The following ATRNL1 variants were observed in gnomAD, a reference collection of about 807,000 sequenced individuals.
The protein encoded by ATRNL1 is attractin like 1, also known as attractin-like protein 1.
In ATRNL1, 95 loss-of-function variants were observed where a neutral mutation model predicts 182.7. The ratio of observed to expected loss-of-function variants is 0.52; its 90% confidence interval spans 0.44 to 0.62. ATRNL1 has a LOEUF of 0.62. Ranked by LOEUF, ATRNL1 falls within the 20% of genes least tolerant of loss-of-function variation. ATRNL1 has a pLI of 0.00. For missense variants in ATRNL1, 1,471 were observed against 1,679.5 expected (o/e 0.88, Z 2.17); for synonymous variants, 576 against 568.3 (o/e 1.01, Z -0.19).
chr10:115,689,427 G>A (rs868957797), intron 26 of ATRNL1, among the ~76,000 whole-genome samples: 6 of 152,090 alleles, frequency 3.9e-5, no homozygotes, highest in South Asian at 4.2e-4. Context: ...TTTGTGTCCC[G>A]CAAAACAAAG....
chr10:115,705,175 T>C (rs553870264), intron 26 of ATRNL1, among the ~76,000 whole-genome samples: 9 of 152,090 alleles, frequency 5.9e-5, no homozygotes, highest in African/African-American at 1.9e-4. Context: ...CTCATTTATG[T>C]TTCATCTATA....
chr10:115,197,462 T>G (rs782628992), intron 8 of ATRNL1, among the ~76,000 whole-genome samples: 8 of 152,152 alleles, frequency 5.3e-5, no homozygotes, highest in Non-Finnish European at 1.0e-4. Flanking sequence ...TAGAATTTGA[T>G]CAGGGAAACT....
chr10:115,576,329 A>C (rs981106116), intron 26 of ATRNL1, among the ~76,000 whole-genome samples: 34 of 152,046 alleles, frequency 2.2e-4, no homozygotes, highest in African/African-American at 7.7e-4. Flanking sequence ...GTTTTCAATA[A>C]TAGCCATGCC....
chr10:115,587,322 C>T lies in ATRNL1; in HGVS notation c.3795+37786C>T, dbSNP rs1300475983. On this transcript the variant is annotated intron_variant, in intron 26 of 28. Coordinates refer to ENST00000355044, the MANE Select transcript of ATRNL1 (RefSeq NM_207303.4). ...CTCCCTGGCTGCTTTGTTTACCTGA[C>T]CAAGCCTTGGCAATGGCGGGCGCCC... Among the ~76,000 whole-genome samples, 11 of 152,266 alleles carry T rather than the reference C, an allele frequency of 7.2e-5. No individual in the cohort carries two copies. In the South Asian group the frequency reaches 2.3e-3, roughly 32 times the overall value.
intron 26 of ATRNL1, among the ~76,000 whole-genome samples, chr10:115,697,346 A>AT (rs35288300): frequency 1.3e-5 from 2 of 151,986 alleles, no homozygotes; most frequent in Non-Finnish European, 2.9e-5. Context: ...CATGTTTTGT[A>AT]TTTTTTTGAG....
intron 10 of ATRNL1, among the ~76,000 whole-genome samples, chr10:115,249,747 A>T (rs965936623): frequency 6.6e-6 from 1 of 152,048 alleles, no homozygotes; most frequent in African/African-American, 2.4e-5. Flanking sequence ...TTGTTGGTAT[A>T]GAATATTATT....
chr10:115,700,161 G>T (rs1278764991), intron 26 of ATRNL1, among the ~76,000 whole-genome samples: 1 of 152,012 alleles, frequency 6.6e-6, no homozygotes, highest in Non-Finnish European at 1.5e-5. Flanking sequence ...AAATGTGTGT[G>T]CCTTTTTTGG....
At chr10:115,748,662 C>G (rs1555069810) in intron 27 of ATRNL1, among the ~76,000 whole-genome samples, 1 of 151,784 alleles carries the variant, frequency 6.6e-6, no homozygotes, top group Non-Finnish European at 1.5e-5. Flanking sequence ...ATTGCTTGCT[C>G]TAGAGCATGA....
intron 26 of ATRNL1, among the ~76,000 whole-genome samples, chr10:115,677,352 T>G (rs2133942113): frequency 6.6e-6 from 1 of 152,184 alleles, no homozygotes; most frequent in South Asian, 2.1e-4. Context: ...GTCCAGAAGT[T>G]ACTGCATGAG....
At chr10:115,637,451 A>T (rs1477194175) in intron 26 of ATRNL1, among the ~76,000 whole-genome samples, 1 of 152,076 alleles carries the variant, frequency 6.6e-6, no homozygotes, top group Non-Finnish European at 1.5e-5. Context: ...GTGAAAGTAA[A>T]TCAAAGCTTA....
intron 26 of ATRNL1, among the ~76,000 whole-genome samples, chr10:115,635,515 C>G (rs1481370701): frequency 2.6e-5 from 4 of 152,058 alleles, no homozygotes; most frequent in African/African-American, 9.7e-5. Context: ...GCAGTTGAAC[C>G]TCTTATTCAC....
At chr10:115,455,759 A>C (rs1554968588) in intron 21 of ATRNL1, among the ~76,000 whole-genome samples, 2 of 152,322 alleles carry the variant, frequency 1.3e-5, no homozygotes, top group South Asian at 4.1e-4. Context: ...TAATATCCAG[A>C]ATCTACAAGG....
In ATRNL1 at chr10:115,281,379, CAT is replaced by C; in HGVS notation, c.2126_2127del (p.His709ArgfsTer4). On this transcript the variant is annotated frameshift_variant, in exon 14 of 29. Transcript: ENST00000355044. LOFTEE classifies it high-confidence loss of function. ...GTCTGTCAAGAACTACACCAAATGT[CAT>C]GTGAGAAATGAGCAGATTTGTAACA... is the stretch of plus-strand genomic sequence containing the variant. The part of the protein sequence containing the change: ...SMSVKNYTKC[H>X]VRNEQICNKL... The C allele has an allele frequency of 6.2e-7, 1 of 1,612,736 alleles. No individual in the cohort carries two copies. Among genetic ancestry groups the C allele is most frequent in the Non-Finnish European group, 8.5e-7 (1 of 1,179,354 alleles).
intron 26 of ATRNL1, among the ~76,000 whole-genome samples, chr10:115,705,149 C>T (rs1045073775): frequency 6.6e-6 from 1 of 151,906 alleles, no homozygotes; most frequent in Non-Finnish European, 1.5e-5. Context: ...TGAACCAAAC[C>T]AATGATGTTA....
intron 27 of ATRNL1, among the ~76,000 whole-genome samples, chr10:115,828,087 G>T (rs1274225309): frequency 1.3e-5 from 2 of 152,184 alleles, no homozygotes; most frequent in Non-Finnish European, 1.5e-5. Flanking sequence ...GGAGACCGAG[G>T]TGGGCGGATC....
At chr10:115,100,230 C>A (rs1554864250) in intron 1 of ATRNL1, among the ~76,000 whole-genome samples, 1 of 152,012 alleles carries the variant, frequency 6.6e-6, no homozygotes, top group Non-Finnish European at 1.5e-5. Flanking sequence ...GAATTGGAGG[C>A]TGCAGTGAGC....
chr10:115,717,348 A>G (rs1947284785), intron 26 of ATRNL1, among the ~76,000 whole-genome samples: 1 of 152,238 alleles, frequency 6.6e-6, no homozygotes, highest in South Asian at 2.1e-4. Flanking sequence ...TAATTTATTC[A>G]GCTCCTGTGT....
At chr10:115,315,446 T>G in intron 17 of ATRNL1, 72 bp from the exon 18 acceptor site, 2 of 1,100,028 alleles carry the variant, frequency 1.8e-6, no homozygotes, top group Non-Finnish European at 2.6e-6. Context: ...TCATATTTAT[T>G]TTTTATTAGC....
intron 26 of ATRNL1, among the ~76,000 whole-genome samples, chr10:115,613,545 G>A (rs1204515879): frequency 2.0e-5 from 3 of 152,028 alleles, no homozygotes; most frequent in African/African-American, 7.2e-5. Context: ...CTCATAAAAT[G>A]AATTAGAAAA....
Sources: allele counts gnomAD v4.1 joint callset (sites outside exome capture counted in the v4.1 genomes callset), GRCh38; gene constraint gnomAD v4.1.1; transcripts MANE v1.5; gene names NCBI Gene and HGNC (gene_info 2026-07-23, HGNC 2026-07-21).